The following RASGRP3 variants were observed in gnomAD, a reference collection of about 807,000 sequenced individuals.
RASGRP3 encodes ras guanyl-releasing protein 3.
RASGRP3 carries 54 observed loss-of-function variants against 82.7 expected under a neutral mutation model. The ratio of observed to expected loss-of-function variants is 0.65; its 90% CI spans 0.52 to 0.82. The LOEUF is 0.82. Ranked by LOEUF, RASGRP3 falls within the 40% of genes least tolerant of loss-of-function variation. RASGRP3 has a pLI of 0.00. For synonymous variants in RASGRP3, 309 were observed against 300.5 expected (o/e 1.03, Z -0.29); for missense variants, 861 against 828.9 (o/e 1.04, Z -0.48).
At chr2:33,503,026 C>T (rs1238006946) in intron 1 of RASGRP3, among the ~76,000 whole-genome samples, 1 of 152,168 alleles carries the variant, frequency 6.6e-6, no homozygotes, top group Non-Finnish European at 1.5e-5. Flanking sequence ...CCAAAGTTCT[C>T]TTTTAGCATT....
chr2:33,476,334 C>A (rs1207760746), upstream of RASGRP3: 2 of 152,248 alleles, frequency 1.3e-5, no homozygotes, highest in Non-Finnish European at 2.9e-5. Flanking sequence ...CTGCCAGTCT[C>A]CCCCTCTGCG....
chr2:33,518,871 A>G (rs1382236704), intron 4 of RASGRP3, among the ~76,000 whole-genome samples: 1 of 115,498 alleles, frequency 8.7e-6, no homozygotes, highest in African/African-American at 2.6e-5. Flanking sequence ...AGTAACAGGC[A>G]TGGAGCTGGT....
intron 1 of RASGRP3, among the ~76,000 whole-genome samples, chr2:33,479,879 C>T (rs568473756): frequency 6.6e-6 from 1 of 151,336 alleles, no homozygotes; most frequent in Non-Finnish European, 1.5e-5. Context: ...GAAAGAGCAC[C>T]AGGTAGTATG....
intron 10 of RASGRP3, among the ~76,000 whole-genome samples, chr2:33,530,508 TTTTTTTTTTTTTTA>T (rs1282097093): frequency 2.0e-5 from 3 of 150,720 alleles, no homozygotes; most frequent in Admixed American, 2.0e-4. Flanking sequence ...TTTTTTTTTT[TTTTTTTTTTTTTTA>T]AACTAAAGAA....
intron 12 of RASGRP3, among the ~76,000 whole-genome samples, chr2:33,541,415 AG>A (rs1674270769): frequency 6.8e-6 from 1 of 146,918 alleles, no homozygotes; most frequent in African/African-American, 2.4e-5. Context: ...TTATTTCTTT[AG>A]GACAGATTCC....
chr2:33,474,292 A>G (rs1382072508), upstream of RASGRP3, among the ~76,000 whole-genome samples: 1 of 152,028 alleles, frequency 6.6e-6, no homozygotes, highest in African/African-American at 2.4e-5. Context: ...ATGGTTTGGT[A>G]CCATCCTGTT....
At chr2:33,506,975 A>G (rs570658146) in intron 1 of RASGRP3, among the ~76,000 whole-genome samples, 5 of 152,372 alleles carry the variant, frequency 3.3e-5, no homozygotes, top group African/African-American at 1.2e-4. Context: ...ACTGGGAAGA[A>G]CACCTGATTG....
chr2:33,535,358 G>A (rs1015380483), intron 11 of RASGRP3, among the ~76,000 whole-genome samples: 7 of 152,234 alleles, frequency 4.6e-5, no homozygotes, highest in African/African-American at 1.7e-4. Context: ...TTATAATGAG[G>A]TTGAGGCTTG....
chr2:33,529,174 G>A (rs145030780), intron 10 of RASGRP3, among the ~76,000 whole-genome samples: 1 of 152,126 alleles, frequency 6.6e-6, no homozygotes, highest in African/African-American at 2.4e-5. Flanking sequence ...AATATTTAGA[G>A]GAATATTGAA....
chr2:33,445,663 A>G (rs11686568), intron 1 of RASGRP3, among the ~76,000 whole-genome samples: 4,941 of 151,898 alleles, frequency 0.033, 86 homozygotes, highest in African/African-American at 0.042. Context: ...AAATTATTCA[A>G]TGAAATCTAA....
chr2:33,448,305 A>C (rs1429119256), intron 2 of RASGRP3, among the ~76,000 whole-genome samples: 2 of 152,100 alleles, frequency 1.3e-5, no homozygotes, highest in Non-Finnish European at 2.9e-5. Flanking sequence ...AAATTCCTTC[A>C]TGTCTAGGCC....
chr2:33,480,446 C>T (rs1020020451), intron 1 of RASGRP3, among the ~76,000 whole-genome samples: 1 of 152,140 alleles, frequency 6.6e-6, no homozygotes, highest in Non-Finnish European at 1.5e-5. Flanking sequence ...AGACCAAAAC[C>T]ACTGGGAATT....
chr2:33,439,082 A>G (rs1665081543), intron 1 of RASGRP3, among the ~76,000 whole-genome samples: 1 of 152,234 alleles, frequency 6.6e-6, no homozygotes, highest in African/African-American at 2.4e-5. Flanking sequence ...CCTTAAATTC[A>G]GACAATTGGC....
Position 33,489,097 on chromosome 2 carries a change from G to C in RASGRP3, c.-261+12390G>C, listed in dbSNP as rs184843925. Among the ~76,000 whole-genome samples, 210 of 152,260 alleles carry C rather than the reference G, an allele frequency of 1.4e-3. 1 individual carries two copies. Among genetic ancestry groups the C allele is most frequent in the African/African-American group, 4.7e-3 (197 of 41,540 alleles). ...GTAGTCTCTACTGGGAGTGGCAGTG[G>C]AGTATTACTGGCATCTAGTTAGTAG... On this transcript the variant is annotated intron_variant, in intron 1 of 17. Transcript: ENST00000403687.
intron 2 of RASGRP3, among the ~76,000 whole-genome samples, chr2:33,451,021 T>C (rs900153646): frequency 1.3e-5 from 2 of 151,378 alleles, no homozygotes; most frequent in African/African-American, 4.8e-5. Context: ...TTTTGTATTT[T>C]TAGTAGAGAC....
At chr2:33,535,862 G>A (rs1574449981) in intron 11 of RASGRP3, among the ~76,000 whole-genome samples, 2 of 152,298 alleles carry the variant, frequency 1.3e-5, no homozygotes, top group East Asian at 1.9e-4. Context: ...TTGTCATGAC[G>A]AACCTGGCCA....
intron 1 of RASGRP3, among the ~76,000 whole-genome samples, chr2:33,485,029 T>A (rs1489380821): frequency 2.0e-5 from 3 of 152,074 alleles, no homozygotes; most frequent in Non-Finnish European, 2.9e-5. Flanking sequence ...AGAAACCCAG[T>A]CTCTACTAAA....
At chr2:33,479,448 G>C (rs1667684998) in intron 1 of RASGRP3, among the ~76,000 whole-genome samples, 1 of 152,110 alleles carries the variant, frequency 6.6e-6, no homozygotes, top group Admixed American at 6.5e-5. Context: ...CTGGCTTAGT[G>C]TTGATAAAGC....
chr2:33,506,782 A>G, intron 1 of RASGRP3, among the ~76,000 whole-genome samples: 1 of 152,212 alleles, frequency 6.6e-6, no homozygotes, highest in Non-Finnish European at 1.5e-5. Context: ...TAACCTTTGG[A>G]GATACTGCCT....
Sources: gnomAD v4.1 joint callset for allele counts (sites outside exome capture counted in the v4.1 genomes callset) on GRCh38, gnomAD v4.1.1 for gene constraint, MANE v1.5 for transcripts, NCBI Gene and HGNC (gene_info 2026-07-23, HGNC 2026-07-21) for gene names.